The following FUT8 variants were observed in gnomAD, a reference collection of about 807,000 sequenced individuals.
The protein encoded by FUT8 is alpha-(1,6)-fucosyltransferase.
In FUT8, 29 loss-of-function variants were observed where a neutral mutation model predicts 71.3. The observed-to-expected ratio is 0.41, with a 90% CI of 0.30 to 0.55. The LOEUF is 0.55. FUT8 is among the 20% of genes least tolerant of loss of function. The pLI is 0.34. For missense variants in FUT8, 544 were observed against 702.1 expected (o/e 0.77, Z 2.55); for synonymous variants, 254 against 239.3 (o/e 1.06, Z -0.57).
chr14:65,381,254 T>C, the FUT8 span, among the ~76,000 whole-genome samples: 1 of 152,216 alleles, frequency 6.6e-6, no homozygotes, highest in African/African-American at 2.4e-5. Flanking sequence ...CTTCTACAGC[T>C]CTTTCCTTTA....
the FUT8 span, among the ~76,000 whole-genome samples, chr14:65,385,269 G>T: frequency 1.3e-5 from 2 of 152,044 alleles, no homozygotes; most frequent in Non-Finnish European, 2.9e-5. Context: ...CCTGGCAAGG[G>T]TCTAAAAATC....
At chr14:65,552,595 T>C (rs1431291625) in intron 2 of FUT8, among the ~76,000 whole-genome samples, 1 of 152,192 alleles carries the variant, frequency 6.6e-6, no homozygotes, top group African/African-American at 2.4e-5. Context: ...TAGAGGATGC[T>C]TCCGAAGTGA....
Position 65,721,816 on chromosome 14 carries a change from A to G in FUT8, c.877A>G (p.Ile293Val). The G allele has an allele frequency of 4.3e-6, 7 of 1,614,226 alleles. No homozygotes were observed. Among genetic ancestry groups the G allele is most frequent in the Non-Finnish European group, 5.9e-6 (7 of 1,180,024 alleles). The change falls in exon 8 of 11, where the codon ATT (isoleucine) becomes GTT (valine). Residue 293 changes from isoleucine to valine, a missense_variant. By Grantham distance (29) the Ile-to-Val change is conservative. Coordinates refer to ENST00000673929, the MANE Select transcript of FUT8 (RefSeq NM_001371533.1). ...DKNVQVVELP[I>V]VDSLHPRPPY... ...AAATGTTCAAGTGGTCGAGCTTCCC[A>G]TTGTAGACAGTCTTCATCCCCGTCC...
intron 2 of FUT8, among the ~76,000 whole-genome samples, chr14:65,508,718 T>C (rs1882126150): frequency 6.6e-6 from 1 of 151,660 alleles, no homozygotes; most frequent in South Asian, 2.1e-4. Flanking sequence ...GCCAGGCTGG[T>C]CTTGAACTCC....
chr14:65,468,914 C>A (rs1231635051), intron 2 of FUT8, among the ~76,000 whole-genome samples: 1 of 152,066 alleles, frequency 6.6e-6, no homozygotes, highest in Non-Finnish European at 1.5e-5. Flanking sequence ...TCTCCCTCCT[C>A]AGCTTCTCAA....
intron 6 of FUT8, among the ~76,000 whole-genome samples, chr14:65,659,099 T>G (rs1203212176): frequency 6.6e-6 from 1 of 152,008 alleles, no homozygotes; most frequent in Non-Finnish European, 1.5e-5. Context: ...GTTAAAAATA[T>G]TTGAGGAGTA....
chr14:65,534,905 G>T lies in FUT8; in HGVS notation c.-227-26432G>T, dbSNP rs1300369094. On this transcript the variant is annotated intron_variant, in intron 2 of 10. Transcript: ENST00000673929. The stretch of plus-strand genomic sequence containing the variant: ...TCATTGATCTTTTGGATGATTTTTT[G>T]TGTGTGTGTTTCAGTCTCCTTCAGT... Among the ~76,000 whole-genome samples the T allele has an allele frequency of 7.9e-5, 12 of 151,202 alleles. No individual in the cohort carries two copies. The South Asian group carries it at 1.3e-3, about 16-fold the overall frequency.
intron 7 of FUT8, among the ~76,000 whole-genome samples, chr14:65,713,043 C>T (rs1894881535): frequency 6.6e-6 from 1 of 152,128 alleles, no homozygotes; most frequent in Non-Finnish European, 1.5e-5. Context: ...TCCTCCCTTA[C>T]CCCCCACCTC....
At chr14:65,485,088 G>C (rs2066388788) in intron 2 of FUT8, among the ~76,000 whole-genome samples, 1 of 151,888 alleles carries the variant, frequency 6.6e-6, no homozygotes, top group Non-Finnish European at 1.5e-5. Context: ...TGTAATTCCA[G>C]CACTTTGGGA....
rs1418677005 is a variant in FUT8 at position 65,643,172 on chromosome 14, A to T, written c.597+13566A>T. 6.6e-6 allele frequency among the ~76,000 whole-genome samples: 1 copy of T among 152,138 alleles called. No individual in the cohort carries two copies. The highest frequency in any genetic ancestry group is 1.5e-5 in the Non-Finnish European group (1 of 68,012). On this transcript the variant is annotated intron_variant, in intron 6 of 10. Transcript: ENST00000673929. This position sits in a 1 kb window ranked among gnomAD's most constrained non-coding sequence, Gnocchi z 4.5. ...TGAGATTCCTAATGGTAATGAAGGA[A>T]TTTTTTTAATTCCTGAGAGTACACT...
chr14:65,587,422 C>T (rs1340826403), intron 3 of FUT8, among the ~76,000 whole-genome samples: 2 of 152,104 alleles, frequency 1.3e-5, no homozygotes, highest in African/African-American at 4.8e-5. Context: ...TGATCTGTTA[C>T]TGCGTTACAC....
chr14:65,558,485 C>G (rs977244834), intron 2 of FUT8, among the ~76,000 whole-genome samples: 4 of 152,122 alleles, frequency 2.6e-5, no homozygotes, highest in African/African-American at 9.7e-5. Context: ...CTCTCACTTT[C>G]TGCATTACCA....
At chr14:65,501,357 A>T (rs997032065) in intron 2 of FUT8, among the ~76,000 whole-genome samples, 1 of 152,216 alleles carries the variant, frequency 6.6e-6, no homozygotes, top group Admixed American at 6.5e-5. Context: ...GCCACTATTC[A>T]TATGGTTGAG....
At chr14:65,664,329 A>G (rs558882913) in intron 6 of FUT8, among the ~76,000 whole-genome samples, 1 of 152,278 alleles carries the variant, frequency 6.6e-6, no homozygotes, top group South Asian at 2.1e-4. Context: ...TTCCCACATG[A>G]TACCACACTC....
intron 8 of FUT8, among the ~76,000 whole-genome samples, chr14:65,722,976 G>T (rs974422832): frequency 1.3e-5 from 2 of 152,056 alleles, no homozygotes; most frequent in African/African-American, 2.4e-5. Context: ...TTTAAGGAGG[G>T]TGTTTTAATT....
intron 6 of FUT8, among the ~76,000 whole-genome samples, chr14:65,642,328 C>T (rs938775973): frequency 5.9e-5 from 9 of 152,208 alleles, no homozygotes; most frequent in South Asian, 4.1e-4. Context: ...GACTGCTGGG[C>T]GCAGTGGCTC....
At chr14:65,606,564 T>C (rs1888602170) in intron 3 of FUT8, among the ~76,000 whole-genome samples, 1 of 151,864 alleles carries the variant, frequency 6.6e-6, no homozygotes, top group South Asian at 2.1e-4. Flanking sequence ...CCATCTCTTA[T>C]TGAATTATTT....
chr14:65,464,466 A>T (rs2066012943), intron 2 of FUT8, among the ~76,000 whole-genome samples: 1 of 151,978 alleles, frequency 6.6e-6, no homozygotes, highest in African/African-American at 2.4e-5. Context: ...CTGGTTTCTT[A>T]CCATTAGGTA....
chr14:65,598,143 G>A (rs932451012), intron 3 of FUT8, among the ~76,000 whole-genome samples: 1 of 152,108 alleles, frequency 6.6e-6, no homozygotes, highest in Non-Finnish European at 1.5e-5. Context: ...ACCAGCGTGG[G>A]CAACGGAAAG....
Sources: allele counts gnomAD v4.1 joint callset (sites outside exome capture counted in the v4.1 genomes callset), GRCh38; gene constraint gnomAD v4.1.1; non-coding constraint Gnocchi (gnomAD v3.1); transcripts MANE v1.5; gene names NCBI Gene and HGNC (gene_info 2026-07-23, HGNC 2026-07-21).